DUS2: variants seen among roughly 807,000 people sequenced by gnomAD.
DUS2 encodes the protein dihydrouridine synthase 2.
In DUS2, 52 loss-of-function variants were observed where a neutral mutation model predicts 71.3. That is an observed-to-expected ratio of 0.73 (90% CI 0.58 to 0.92). The LOEUF is 0.92. Among genes scored for constraint, DUS2 ranks in the 40% least tolerant of loss-of-function variants. The probability of loss-of-function intolerance (pLI) is 0.00; values close to 1 mark genes in which losing one functional copy is unlikely to be tolerated. For synonymous variants in DUS2, 204 were observed against 227.8 expected, an observed-to-expected ratio of 0.90 and a Z score of 0.94; for missense variants, 558 against 622.6, an observed-to-expected ratio of 0.90 and a Z score of 1.10.
chr16:68,036,553 T>G (rs2033531430), intron 2 of DUS2, among the ~76,000 whole-genome samples: 1 of 152,176 alleles, frequency 6.6e-6, no homozygotes. Context: ...TCCACCTGCC[T>G]CAGCCTCCCA....
chr16:68,037,907 C>T lies in DUS2; in HGVS notation c.-18-99C>T, dbSNP rs535505313. ...ACCAACCAAAAGAAAATGAAAACTA[C>T]TGTGTGCTGGAACCTTGAAGAAGGG... On this transcript the variant is annotated intron_variant, in intron 2 of 16. Transcript: ENST00000565263. 3.2e-5 allele frequency: 39 copies of T among 1,207,638 alleles called. No individual in the cohort carries two copies. The South Asian group carries it at 4.1e-4, about 13-fold the overall frequency. The allele number at this position is 1,207,638 out of a possible 1,614,324, so 74.8% of individuals were successfully genotyped here. A position where few individuals can be genotyped will look rare whatever the true frequency, so the allele number is the denominator to read the frequency against.
At chr16:68,026,414 A>C (rs1346736844) in intron 2 of DUS2, among the ~76,000 whole-genome samples, 1 of 152,142 alleles carries the variant, frequency 6.6e-6, no homozygotes, top group Non-Finnish European at 1.5e-5. Context: ...GTATTACTTT[A>C]TTGTTCCTCC....
chr16:68,035,686 GTC>G (rs1322531742), intron 2 of DUS2, among the ~76,000 whole-genome samples: 1 of 148,746 alleles, frequency 6.7e-6, no homozygotes, highest in Non-Finnish European at 1.5e-5. Context: ...ACCGTGCCTG[GTC>G]TCTCTTCTTC....
intron 2 of DUS2, among the ~76,000 whole-genome samples, chr16:68,037,684 G>A (rs889362478): frequency 1.1e-4 from 17 of 152,154 alleles, no homozygotes; most frequent in African/African-American, 4.1e-4. Context: ...CTCCCAAAGT[G>A]TTGGGATTAC....
At position 68,071,109 on chromosome 16, in the gene DUS2, G is replaced by A. The variant is rs372526272; in HGVS notation, c.810+1G>A. ...GGTCATGCAGAAATACATCAGATAC[G>A]TACGTCTCTGTACTTTTTCAAAACA... On this transcript the variant is annotated splice_donor_variant, in intron 12 of 16. Coordinates refer to ENST00000565263, the MANE Select transcript of DUS2 (RefSeq NM_017803.5). LOFTEE classifies it high-confidence loss of function. The A allele has an allele frequency of 1.9e-5, 31 of 1,613,304 alleles. No homozygotes were observed. Among genetic ancestry groups the A allele is most frequent in the Middle Eastern group, 1.6e-4 (1 of 6,074 alleles).
chr16:68,078,519 G>GT lies in DUS2; in HGVS notation c.1244+2dup. Reference sequence around the variant, plus strand: ...AACAAAAGTATCAGTCTACCTTGTGGTAAGTTTCCTTATCATAGGAGAGGA... The same window carrying GT: ...AACAAAAGTATCAGTCTACCTTGTGGTTAAGTTTCCTTATCATAGGAGAGGA... On this transcript the variant is annotated splice_donor_variant, in intron 16 of 16. Coordinates refer to ENST00000565263, the MANE Select transcript of DUS2 (RefSeq NM_017803.5). LOFTEE classifies it high-confidence loss of function. The GT allele has an allele frequency of 6.2e-7, 1 of 1,613,818 alleles. No individual in the cohort carries two copies. The highest frequency in any genetic ancestry group is 8.5e-7 in the Non-Finnish European group (1 of 1,179,924).
At chr16:68,027,455 C>G (rs548162388) in intron 2 of DUS2, among the ~76,000 whole-genome samples, 13 of 152,204 alleles carry the variant, frequency 8.5e-5, no homozygotes, top group East Asian at 1.9e-4. Flanking sequence ...TCAGGCTGGT[C>G]TGGTCTCAAA....
At chr16:68,025,011 T>C (rs777332439) in intron 1 of DUS2, among the ~76,000 whole-genome samples, 2 of 152,112 alleles carry the variant, frequency 1.3e-5, no homozygotes, top group Middle Eastern at 6.8e-3. Flanking sequence ...TTTGTATTTT[T>C]AATAGAGACA....
chr16:68,057,258 A>G, intron 7 of DUS2, among the ~76,000 whole-genome samples: 1 of 145,502 alleles, frequency 6.9e-6, no homozygotes, highest in East Asian at 1.9e-4. Context: ...AGAGAGAGAG[A>G]GAGAAAGAGA....
chr16:68,037,464 C>G (rs958353877), intron 2 of DUS2, among the ~76,000 whole-genome samples: 2 of 146,074 alleles, frequency 1.4e-5, no homozygotes, highest in African/African-American at 5.1e-5. Flanking sequence ...GTTGCCCAGG[C>G]GGGGGTACAA....
intron 2 of DUS2, among the ~76,000 whole-genome samples, chr16:68,027,857 G>A (rs960266345): frequency 1.3e-5 from 2 of 151,392 alleles, no homozygotes; most frequent in African/African-American, 2.4e-5. Context: ...TGGCCCCTGG[G>A]CAGGGACAGC....
At chr16:68,055,870 C>G (rs1477179750) in intron 6 of DUS2, among the ~76,000 whole-genome samples, 34 of 149,986 alleles carry the variant, frequency 2.3e-4, no homozygotes, top group Admixed American at 2.3e-3. Flanking sequence ...TTGCACCAAC[C>G]TAATACATAC....
intron 12 of DUS2, among the ~76,000 whole-genome samples, chr16:68,072,255 C>G (rs548525753): frequency 6.6e-6 from 1 of 152,308 alleles, no homozygotes; most frequent in East Asian, 1.9e-4. Context: ...AATGCTGCAG[C>G]CCTCACTCCC....
intron 3 of DUS2, among the ~76,000 whole-genome samples, chr16:68,043,050 G>A (rs1418739880): frequency 6.6e-6 from 1 of 152,048 alleles, no homozygotes; most frequent in South Asian, 2.1e-4. Context: ...ACAGGATTTC[G>A]CTATGTTGCC....
chr16:68,076,378 A>G (rs1270168518), intron 14 of DUS2, among the ~76,000 whole-genome samples: 1 of 152,116 alleles, frequency 6.6e-6, no homozygotes, highest in Non-Finnish European at 1.5e-5. Flanking sequence ...GAGTACTGGG[A>G]GTTCATTCCC....
intron 13 of DUS2, 109 bp from the exon 14 acceptor site, chr16:68,075,246 T>C (rs1291896188): frequency 9.3e-7 from 1 of 1,079,900 alleles, no homozygotes; most frequent in African/African-American, 1.6e-5. Context: ...GGTGGTGTTT[T>C]GGTGTATGTG....
At chr16:68,035,929 T>TATACAC (rs1416625748) in intron 2 of DUS2, among the ~76,000 whole-genome samples, 1 of 108,574 alleles carries the variant, frequency 9.2e-6, no homozygotes, top group African/African-American at 3.9e-5. Flanking sequence ...TATATATATA[T>TATACAC]ACACACATAC....
intron 13 of DUS2, among the ~76,000 whole-genome samples, chr16:68,074,793 C>T (rs1399132231): frequency 2.6e-5 from 4 of 152,314 alleles, no homozygotes; most frequent in South Asian, 4.1e-4. Context: ...TTGAGTCTTC[C>T]AGCCTTCAAG....
At chr16:68,028,051 C>T (rs1598297784) in intron 2 of DUS2, among the ~76,000 whole-genome samples, 1 of 152,148 alleles carries the variant, frequency 6.6e-6, no homozygotes, top group East Asian at 1.9e-4. Context: ...CTTAATTTTA[C>T]AGGCAGTAGG....
Sources: gnomAD v4.1 joint callset for allele counts (sites outside exome capture counted in the v4.1 genomes callset) on GRCh38, gnomAD v4.1.1 for gene constraint, MANE v1.5 for transcripts, NCBI Gene and HGNC (gene_info 2026-07-23, HGNC 2026-07-21) for gene names.